SCG3: variants seen among roughly 807,000 people sequenced by gnomAD.
SCG3 encodes the protein secretogranin-3.
A neutral mutation model predicts 56.2 loss-of-function variants in SCG3; 38 were observed. The ratio of observed to expected loss-of-function variants is 0.68; its 90% CI spans 0.52 to 0.89. SCG3 has a LOEUF of 0.89. SCG3 is among the 40% of genes least tolerant of loss of function. SCG3 has a pLI of 0.00. For synonymous variants in SCG3, 176 were observed against 184.2 expected, an observed-to-expected ratio of 0.96 and a Z score of 0.36; for missense variants, 524 against 540.7, an observed-to-expected ratio of 0.97 and a Z score of 0.31.
intron 2 of SCG3, 29 bp from the exon 3 acceptor site, chr15:51,683,050 A>G (rs1242193545): frequency 6.3e-7 from 1 of 1,590,184 alleles, no homozygotes; most frequent in East Asian, 2.2e-5. Flanking sequence ...ATGATTTTAA[A>G]CCAAGTCTAT....
intron 10 of SCG3, among the ~76,000 whole-genome samples, chr15:51,702,249 T>G (rs1327629962): frequency 6.6e-6 from 1 of 152,142 alleles, no homozygotes; most frequent in African/African-American, 2.4e-5. Context: ...TACATCTTTT[T>G]AGGATTTTAT....
In SCG3 at chr15:51,689,290, A is replaced by G; in HGVS notation, c.612A>G (p.Glu204=). 6.2e-7 allele frequency: 1 copy of G among 1,614,080 alleles called. No homozygotes were observed. Among genetic ancestry groups the G allele is most frequent in the Non-Finnish European group, 8.5e-7 (1 of 1,179,976 alleles). ...TTTTACAAAAATTAATCTCAAAGGAAGCCAACAATTATGAGGAGGATCCCA... is the reference window on the plus strand; with the variant it reads ...TTTTACAAAAATTAATCTCAAAGGAGGCCAACAATTATGAGGAGGATCCCA... ...AEVLQKLISK[E]ANNYEEDPNK... The change falls in exon 6 of 12, where the codon GAA becomes GAG. Residue 204 remains glutamate (E), a synonymous_variant. Transcript: ENST00000220478.
At chr15:51,707,767 C>T (rs1354327489) in intron 10 of SCG3, among the ~76,000 whole-genome samples, 3 of 152,250 alleles carry the variant, frequency 2.0e-5, no homozygotes, top group African/African-American at 4.8e-5. Context: ...TTGAATCTCA[C>T]AGCTCCGTGG....
In SCG3 at chr15:51,719,816, AC is replaced by A; in HGVS notation, c.*292del. 3.3e-6 allele frequency: 1 copy of A among 302,178 alleles called. No individual in the cohort carries two copies. The highest frequency in any genetic ancestry group is 4.7e-5 in the Admixed American group (1 of 21,266). 18.7% of individuals were successfully genotyped at this position (302,178 alleles called of 1,614,324 possible). ...CTTTGAAAAAGCCTCTAATGGACTG[AC>A]CTTAAAACTCATCCTTCTTCCACTG... On this transcript the variant is annotated 3_prime_UTR_variant, in exon 12 of 12. Transcript: ENST00000220478.
intron 8 of SCG3, among the ~76,000 whole-genome samples, chr15:51,697,132 C>CTGTGTGTG (rs3078107): frequency 0.046 from 6,653 of 145,948 alleles, 183 homozygotes; most frequent in African/African-American, 0.069. Context: ...AGATGTTATT[C>CTGTGTGTG]TGTGTGTGTG....
chr15:51,719,314 T>C (rs972448930), intron 11 of SCG3, 94 bp from the exon 12 acceptor site: 25 of 806,564 alleles, frequency 3.1e-5, no homozygotes, highest in Non-Finnish European at 5.0e-5. Context: ...GTAATTGTGT[T>C]ATTGTATAAA....
intron 10 of SCG3, among the ~76,000 whole-genome samples, chr15:51,709,676 TATATATATATATATA>T: frequency 8.8e-5 from 1 of 11,400 alleles, no homozygotes; most frequent in Non-Finnish European, 2.1e-4. Context: ...TATATATATA[TATATATATATATATA>T]TATATATATA....
chr15:51,718,303 C>T (rs2141585402), intron 11 of SCG3, among the ~76,000 whole-genome samples: 1 of 152,180 alleles, frequency 6.6e-6, no homozygotes, highest in Middle Eastern at 3.4e-3. Flanking sequence ...GTAAAGTGTC[C>T]AGTGCTGGGA....
intron 10 of SCG3, among the ~76,000 whole-genome samples, chr15:51,709,166 T>A (rs925405048): frequency 1.3e-5 from 2 of 152,214 alleles, no homozygotes; most frequent in Admixed American, 6.5e-5. Context: ...CTTCACATGA[T>A]GGTAGGAAGG....
chr15:51,703,095 G>A (rs1389732606), intron 10 of SCG3, among the ~76,000 whole-genome samples: 1 of 152,108 alleles, frequency 6.6e-6, no homozygotes, highest in East Asian at 1.9e-4. Context: ...GATTTTCATT[G>A]GTTATGTATA....
At chr15:51,691,557 G>A (rs2055267064) in intron 6 of SCG3, among the ~76,000 whole-genome samples, 1 of 152,106 alleles carries the variant, frequency 6.6e-6, no homozygotes, top group Non-Finnish European at 1.5e-5. Flanking sequence ...GGATTGGATG[G>A]GGGAAAAGGA....
In SCG3 at chr15:51,683,561, A is replaced by G. The variant is rs3816544; in HGVS notation, c.397+127A>G. On this transcript the variant is annotated intron_variant, in intron 4 of 11. Coordinates refer to ENST00000220478, the MANE Select transcript of SCG3 (RefSeq NM_013243.4). ...TTTATTAGTCAAGTCCAAAATTGAG[A>G]TAAAGCATATATTTACTGATAACAT... The G allele has an allele frequency of 0.013, 7,758 of 582,736 alleles. 303 individuals are homozygous for G. The highest frequency in any genetic ancestry group is 0.11 in the East Asian group (3,661 of 33,288). 36.1% of individuals were successfully genotyped at this position (582,736 alleles called of 1,614,324 possible). A position where few individuals can be genotyped will look rare whatever the true frequency, so the allele number is the denominator to read the frequency against.
chr15:51,682,170 T>C (rs2141555241), intron 1 of SCG3, among the ~76,000 whole-genome samples: 1 of 152,284 alleles, frequency 6.6e-6, no homozygotes, highest in South Asian at 2.1e-4. Context: ...CAGTATATGA[T>C]GAAAGAGCTT....
intron 11 of SCG3, among the ~76,000 whole-genome samples, chr15:51,715,429 C>A (rs1489308950): frequency 6.6e-6 from 1 of 152,100 alleles, no homozygotes; most frequent in Non-Finnish European, 1.5e-5. Flanking sequence ...TTAGTTCTGA[C>A]CTTTCTTAAC....
At position 51,682,549 on chromosome 15, in the gene SCG3, G is replaced by C; in HGVS notation, c.115G>C (p.Glu39Gln). The C allele has an allele frequency of 1.4e-6, 2 of 1,442,706 alleles. No individual in the cohort carries two copies. Among genetic ancestry groups the C allele is most frequent in the South Asian group, 1.4e-5 (1 of 72,856 alleles). The allele number at this position is 1,442,706 out of a possible 1,614,324, so 89.4% of individuals were successfully genotyped here. ...KSLHNRELSAERPLNEQIAEA... is the reference protein window; with the variant it reads ...KSLHNRELSAQRPLNEQIAEA... ...TCTACATAATAGAGAATTAAGTGCAGAAAGACCTTTGAATGAACAGGTAGG... is the reference window on the plus strand; with the variant it reads ...TCTACATAATAGAGAATTAAGTGCACAAAGACCTTTGAATGAACAGGTAGG... The change falls in exon 2 of 12, where the codon GAA (glutamate) becomes CAA (glutamine). Residue 39 changes from glutamate (E) to glutamine (Q), a missense_variant. Physicochemically the swap from Glu to Gln is conservative, Grantham distance 29. Transcript: ENST00000220478.
intron 9 of SCG3, among the ~76,000 whole-genome samples, chr15:51,699,821 T>TC (rs1302984216): frequency 1.1e-4 from 17 of 151,996 alleles, no homozygotes; most frequent in Non-Finnish European, 1.0e-4. Flanking sequence ...GTTTTCTCTC[T>TC]CCCCTGGGAT....
In SCG3 at chr15:51,683,117, T is replaced by C; in HGVS notation, c.174T>C (p.Tyr58=). 1 of 1,609,394 alleles carries C rather than the reference T, an allele frequency of 6.2e-7. No individual in the cohort carries two copies. Among genetic ancestry groups the C allele is most frequent in the Non-Finnish European group, 8.5e-7 (1 of 1,177,826 alleles). ...AAGAAGACAAGATTAAAAAAACATA[T>C]CCTCCAGGTAAAAAGAAATCATATT... The part of the protein sequence containing the change: ...EAEEDKIKKT[Y]PPENKPGQSN... Residue 58 remains tyrosine, a synonymous_variant, in exon 3 of 12, where the codon TAT becomes TAC. Transcript: ENST00000220478.
intron 10 of SCG3, among the ~76,000 whole-genome samples, chr15:51,704,244 C>CATTAT (rs1555457965): frequency 1.4e-5 from 1 of 73,600 alleles, no homozygotes; most frequent in Non-Finnish European, 2.6e-5. Flanking sequence ...TACATACATA[C>CATTAT]ATATATATAT....
At chr15:51,690,395 T>G (rs760169475) in intron 6 of SCG3, among the ~76,000 whole-genome samples, 1 of 152,146 alleles carries the variant, frequency 6.6e-6, no homozygotes, top group Non-Finnish European at 1.5e-5. Context: ...TGTCCTTTGA[T>G]TTTCCTCTGT....
Sources: gnomAD v4.1 joint callset for allele counts (sites outside exome capture counted in the v4.1 genomes callset) on GRCh38, gnomAD v4.1.1 for gene constraint, MANE v1.5 for transcripts, NCBI Gene and HGNC (gene_info 2026-07-23, HGNC 2026-07-21) for gene names.